Variants in CLYBL observed in about 807,000 individuals in gnomAD.
CLYBL encodes the protein citramalyl-CoA lyase, also known as citramalyl-CoA lyase, mitochondrial.
A neutral mutation model predicts 38.9 loss-of-function variants in CLYBL; 31 were observed. The observed-to-expected ratio is 0.80, with a 90% CI of 0.60 to 1.08. The LOEUF (loss-of-function observed/expected upper bound fraction) is 1.08, where lower values mean the gene tolerates loss of function less well. Among genes scored for constraint, CLYBL ranks in the 50% least tolerant of loss-of-function variants. CLYBL has a pLI of 0.00. For missense variants in CLYBL, 434 were observed against 411.6 expected, an observed-to-expected ratio of 1.05 and a Z score of -0.47; for synonymous variants, 171 against 158.6, an observed-to-expected ratio of 1.08 and a Z score of -0.59.
chr13:99,617,581 C>T (rs1350957232), intron 1 of CLYBL, among the ~76,000 whole-genome samples: 2 of 152,208 alleles, frequency 1.3e-5, no homozygotes, highest in Non-Finnish European at 2.9e-5. Context: ...GCGCTCCGCT[C>T]TAGCAATGGG....
At chr13:99,659,167 G>T (rs2047373315) in intron 1 of CLYBL, among the ~76,000 whole-genome samples, 4 of 151,992 alleles carry the variant, frequency 2.6e-5, no homozygotes, top group Admixed American at 2.0e-4. Flanking sequence ...ACAGAGAGGG[G>T]ATTAGTATTC....
At chr13:99,853,723 C>G (rs2051387927) in intron 2 of CLYBL, among the ~76,000 whole-genome samples, 1 of 151,958 alleles carries the variant, frequency 6.6e-6, no homozygotes, top group Admixed American at 6.6e-5. Context: ...TGAGAAAAAT[C>G]CAATATAATT....
intron 2 of CLYBL, among the ~76,000 whole-genome samples, chr13:99,775,760 C>T (rs1034819723): frequency 6.6e-6 from 1 of 152,162 alleles, no homozygotes; most frequent in African/African-American, 2.4e-5. Flanking sequence ...CCTCCTGCCT[C>T]AGCCTCCCAA....
chr13:99,662,580 C>CT (rs34783138), intron 1 of CLYBL, among the ~76,000 whole-genome samples: 1,947 of 145,812 alleles, frequency 0.013, 39 homozygotes, highest in East Asian at 0.045. Flanking sequence ...TAGAGGAACC[C>CT]TTTTTTTTTA....
chr13:99,890,672 T>C (rs1177669123), intron 7 of CLYBL, among the ~76,000 whole-genome samples: 1 of 152,146 alleles, frequency 6.6e-6, no homozygotes, highest in East Asian at 1.9e-4. Context: ...TTCACCGTGT[T>C]GGCCAGGCTG....
At chr13:99,612,270 A>G (rs1412881717) in intron 1 of CLYBL, among the ~76,000 whole-genome samples, 4 of 144,054 alleles carry the variant, frequency 2.8e-5, no homozygotes, top group Non-Finnish European at 6.1e-5. Flanking sequence ...TTTGTTTTCT[A>G]TTTCATTGAT....
At chr13:99,866,208 G>T (rs1284187214) in intron 5 of CLYBL, 32 bp from the exon 6 acceptor site, 1 of 1,607,982 alleles carries the variant, frequency 6.2e-7, no homozygotes, top group Non-Finnish European at 8.5e-7. Flanking sequence ...CAAAGTTAAA[G>T]CCTCCTTTTT....
At chr13:99,723,687 A>C (rs1312072337) in intron 1 of CLYBL, among the ~76,000 whole-genome samples, 1 of 152,144 alleles carries the variant, frequency 6.6e-6, no homozygotes, top group Non-Finnish European at 1.5e-5. Context: ...AGTGCCCCTT[A>C]GTCTCTCTAT....
chr13:99,885,360 C>G (rs912286), intron 7 of CLYBL, among the ~76,000 whole-genome samples: 130,755 of 152,142 alleles, frequency 0.86, 56,509 homozygotes, highest in African/African-American at 0.93. Flanking sequence ...TGCGGCAGAG[C>G]TGCAGCGTGG....
chr13:99,667,043 G>A (rs1428267907), intron 1 of CLYBL, among the ~76,000 whole-genome samples: 1 of 152,132 alleles, frequency 6.6e-6, no homozygotes, highest in Non-Finnish European at 1.5e-5. Context: ...GTCTGCTTTA[G>A]AGAGGTTTTC....
At chr13:99,897,389 C>A (rs2052594549), downstream of CLYBL, among the ~76,000 whole-genome samples, 1 of 152,146 alleles carries the variant, frequency 6.6e-6, no homozygotes. Flanking sequence ...CTGAATTTGG[C>A]CAAGTTAAGG....
chr13:99,606,704 A>C lies in CLYBL; in HGVS notation c.9A>C (p.Leu3=). MA[L]RLLRRAARGA... is the part of the protein sequence containing the mutation. Reference sequence around the variant, plus strand: ...GCGCGCGCGTCGGGAAGATGGCGCTACGTCTGCTGCGGAGGGCGGCGCGCG... The same window carrying C: ...GCGCGCGCGTCGGGAAGATGGCGCTCCGTCTGCTGCGGAGGGCGGCGCGCG... The change falls in exon 1 of 9, where the codon CTA becomes CTC. Residue 3 remains leucine (L), a synonymous_variant. Coordinates refer to ENST00000339105, the MANE Select transcript of CLYBL (RefSeq NM_206808.5). 2.7e-6 allele frequency: 4 copies of C among 1,493,286 alleles called. No individual in the cohort carries two copies. The highest frequency in any genetic ancestry group is 3.5e-6 in the Non-Finnish European group (4 of 1,127,996). 92.5% of individuals were successfully genotyped at this position (1,493,286 alleles called of 1,614,324 possible). A position where few individuals can be genotyped will look rare whatever the true frequency, so the allele number is the denominator to read the frequency against.
chr13:99,824,945 T>C (rs2050665710), intron 2 of CLYBL, among the ~76,000 whole-genome samples: 1 of 145,048 alleles, frequency 6.9e-6, no homozygotes, highest in African/African-American at 2.6e-5. Context: ...TCTCACCCCC[T>C]GCCCCCCACT....
At chr13:99,788,825 T>A (rs2049855519) in intron 2 of CLYBL, among the ~76,000 whole-genome samples, 1 of 152,252 alleles carries the variant, frequency 6.6e-6, no homozygotes, top group African/African-American at 2.4e-5. Context: ...TGAATCCGTC[T>A]GGTCCTGGAC....
intron 7 of CLYBL, among the ~76,000 whole-genome samples, chr13:99,875,003 T>A (rs1339669062): frequency 6.6e-6 from 1 of 152,266 alleles, no homozygotes; most frequent in African/African-American, 2.4e-5. Context: ...CATTTTCAGT[T>A]TTCCAGACAT....
At chr13:99,610,063 C>T (rs531712638) in intron 1 of CLYBL, among the ~76,000 whole-genome samples, 1 of 152,246 alleles carries the variant, frequency 6.6e-6, no homozygotes, top group East Asian at 1.9e-4. Context: ...CCACTATGCC[C>T]AGCTAATTTT....
At chr13:99,833,028 A>AT (rs1566345781) in intron 2 of CLYBL, among the ~76,000 whole-genome samples, 47 of 36,074 alleles carry the variant, frequency 1.3e-3, no homozygotes, top group African/African-American at 4.6e-3. Flanking sequence ...ATATATATAT[A>AT]TATTTTTTTT....
chr13:99,781,226 A>T (rs2049644091), intron 2 of CLYBL, among the ~76,000 whole-genome samples: 1 of 151,366 alleles, frequency 6.6e-6, no homozygotes, highest in Admixed American at 6.6e-5. Flanking sequence ...GCTGGAGTGC[A>T]GTGGTGCGAT....
chr13:99,610,402 T>G (rs778836646), intron 1 of CLYBL, among the ~76,000 whole-genome samples: 1 of 152,334 alleles, frequency 6.6e-6, no homozygotes, highest in East Asian at 1.9e-4. Context: ...AGTAATATAA[T>G]GGGGCAACTC....
Sources: gnomAD v4.1 joint callset for allele counts (sites outside exome capture counted in the v4.1 genomes callset) on GRCh38, gnomAD v4.1.1 for gene constraint, MANE v1.5 for transcripts, NCBI Gene and HGNC (gene_info 2026-07-23, HGNC 2026-07-21) for gene names.